The following PRSS23 variants were observed in gnomAD, a reference collection of about 807,000 sequenced individuals.
The protein encoded by PRSS23 is serine protease 23.
Under a neutral mutation model 34.7 loss-of-function variants are expected in PRSS23, and 25 were observed. The ratio of observed to expected loss-of-function variants is 0.72; its 90% confidence interval spans 0.53 to 1.01. The LOEUF is 1.01. PRSS23 is among the 50% of genes least tolerant of loss of function. The probability of loss-of-function intolerance (pLI) is 0.00; values close to 1 mark genes in which losing one functional copy is unlikely to be tolerated. For synonymous variants in PRSS23, 176 were observed against 186.6 expected (o/e 0.94, Z 0.46); for missense variants, 445 against 475.6 (o/e 0.94, Z 0.60).
chr11:86,891,716 C>T (rs1373398826), intron 2 of PRSS23, among the ~76,000 whole-genome samples: 2 of 152,048 alleles, frequency 1.3e-5, no homozygotes, highest in African/African-American at 4.8e-5. Context: ...CCCCATAATC[C>T]CCACGTTACA....
At chr11:86,838,608 G>A (rs1948424714) in intron 2 of PRSS23, among the ~76,000 whole-genome samples, 1 of 152,214 alleles carries the variant, frequency 6.6e-6, no homozygotes, top group African/African-American at 2.4e-5. Context: ...TGACAGCTCT[G>A]AAGAGAGCAG....
intron 2 of PRSS23, among the ~76,000 whole-genome samples, chr11:86,865,170 C>A (rs1656518637): frequency 6.6e-6 from 1 of 152,302 alleles, no homozygotes; most frequent in African/African-American, 2.4e-5. Flanking sequence ...GGAGCTGGCC[C>A]TTCTGCTCTA....
At chr11:86,835,012 C>G (rs556712274) in intron 2 of PRSS23, among the ~76,000 whole-genome samples, 4 of 152,328 alleles carry the variant, frequency 2.6e-5, no homozygotes, top group African/African-American at 9.6e-5. Flanking sequence ...ATGGTCCCCT[C>G]AAGTGGCATA....
In PRSS23 at chr11:86,808,912, G is replaced by C; in HGVS notation, c.*117G>C. ...TGTGTGTGTGTGTGTGTGTGTGTAA[G>C]GTGTCTTATAATCTTTTACCTATTT... On this transcript the variant is annotated 3_prime_UTR_variant, in exon 2 of 2. Transcript: ENST00000280258. 1.2e-6 allele frequency: 1 copy of C among 843,650 alleles called. No homozygotes were observed. The highest frequency in any genetic ancestry group is 1.9e-6 in the Non-Finnish European group (1 of 536,736). The allele number at this position is 843,650 out of a possible 1,614,324, so 52.3% of individuals were successfully genotyped here.
chr11:86,877,111 T>A (rs751240550), intron 2 of PRSS23, among the ~76,000 whole-genome samples: 8 of 152,196 alleles, frequency 5.3e-5, no homozygotes, highest in Admixed American at 2.6e-4. Context: ...GCAGTATAAG[T>A]GTTTAGCCCT....
intron 2 of PRSS23, among the ~76,000 whole-genome samples, chr11:86,828,778 T>C (rs1002380659): frequency 2.0e-5 from 3 of 152,178 alleles, no homozygotes; most frequent in African/African-American, 7.2e-5. Flanking sequence ...GGATATGAAA[T>C]TCTGGGTTGA....
At chr11:86,930,032 T>C in intron 2 of PRSS23, among the ~76,000 whole-genome samples, 1 of 152,204 alleles carries the variant, frequency 6.6e-6, no homozygotes, top group Admixed American at 6.5e-5. Context: ...TATTTGCTAA[T>C]ATATACAAAT....
intron 2 of PRSS23, among the ~76,000 whole-genome samples, chr11:86,930,187 A>T (rs200286164): frequency 4.6e-5 from 1 of 21,834 alleles, no homozygotes; most frequent in South Asian, 7.4e-4. Flanking sequence ...AAGTTCCTTT[A>T]AAAAAAAAAA....
chr11:86,801,628 G>A (rs1412608746), intron 1 of PRSS23, among the ~76,000 whole-genome samples: 1 of 152,162 alleles, frequency 6.6e-6, no homozygotes, highest in African/African-American at 2.4e-5. Context: ...TTATAGATGA[G>A]GTCAGCTGTG....
intron 1 of PRSS23, among the ~76,000 whole-genome samples, chr11:86,803,681 C>A (rs983417808): frequency 6.6e-6 from 1 of 152,082 alleles, no homozygotes; most frequent in Non-Finnish European, 1.5e-5. Context: ...TGGGGCCTGT[C>A]TTAAGAGCAT....
rs537776267 is a variant in PRSS23 at position 86,875,283 on chromosome 11, A to G, written c.206+51690A>G. On this transcript the variant is annotated intron_variant, in intron 2 of 2. Coordinates refer to the PRSS23 transcript ENST00000533902. ...CTACTCAGGAGGCTGAGGCAGGAGAATCACTTGAACCCGGGAGGTGGAGGT... is the reference window on the plus strand; with the variant it reads ...CTACTCAGGAGGCTGAGGCAGGAGAGTCACTTGAACCCGGGAGGTGGAGGT... 7.2e-5 allele frequency among the ~76,000 whole-genome samples: 11 copies of G among 152,296 alleles called. No individual in the cohort carries two copies. The South Asian group carries it at 2.3e-3, about 32-fold the overall frequency.
In PRSS23 at chr11:86,865,468, G is replaced by T. The variant is rs540254905; in HGVS notation, c.206+41875G>T. Among the ~76,000 whole-genome samples the T allele has an allele frequency of 1.6e-4, 25 of 152,356 alleles. No homozygotes were observed. In the South Asian group the frequency reaches 5.2e-3, roughly 32 times the overall value. ...GTTCTGTGAGTGTGGTGATGGAAAT[G>T]CTAAATCCATGTTCTGTGAAGCAGA... On this transcript the variant is annotated intron_variant, in intron 2 of 2. Transcript: ENST00000533902.
chr11:86,794,943 TAG>T (rs1947971607), intron 1 of PRSS23, among the ~76,000 whole-genome samples: 1 of 152,088 alleles, frequency 6.6e-6, no homozygotes, highest in Non-Finnish European at 1.5e-5. Context: ...GATGGTACCA[TAG>T]AGGAGATTGG....
intron 2 of PRSS23, chr11:86,833,216 T>A: frequency 1.4e-6 from 2 of 1,435,248 alleles, no homozygotes; most frequent in Non-Finnish European, 2.0e-6. Flanking sequence ...ATGTCCACAA[T>A]CATCTTGGGG....
intron 2 of PRSS23, chr11:86,951,015 G>A (rs550787317): frequency 1.2e-5 from 12 of 1,009,490 alleles, no homozygotes; most frequent in Admixed American, 3.5e-5. Flanking sequence ...GTGGGTTGAC[G>A]GGGGTCACTT....
At chr11:86,853,238 C>G (rs1327484940) in intron 2 of PRSS23, among the ~76,000 whole-genome samples, 1 of 127,182 alleles carries the variant, frequency 7.9e-6, no homozygotes, top group Admixed American at 8.9e-5. Context: ...TCACAAGTGC[C>G]TGCCTTTTTT....
chr11:86,857,590 G>A (rs1948580945), intron 2 of PRSS23: 2 of 501,082 alleles, frequency 4.0e-6, no homozygotes, highest in Non-Finnish European at 8.1e-6. Flanking sequence ...AGACACAGAG[G>A]TGAGGATTCA....
chr11:86,864,970 TCAGGATCATTTTGC>T (rs544730586), intron 2 of PRSS23, among the ~76,000 whole-genome samples: 10 of 152,226 alleles, frequency 6.6e-5, no homozygotes, highest in Non-Finnish European at 1.0e-4. Context: ...CACAGATAAC[TCAGGATCATTTTGC>T]CATCTGAAAA....
intron 2 of PRSS23, among the ~76,000 whole-genome samples, chr11:86,944,974 G>A (rs1274587060): frequency 1.3e-5 from 2 of 152,120 alleles, no homozygotes; most frequent in Non-Finnish European, 2.9e-5. Context: ...TTCACATCTG[G>A]GACATCAGCA....
Sources: gnomAD v4.1 joint callset for allele counts (sites outside exome capture counted in the v4.1 genomes callset) on GRCh38, gnomAD v4.1.1 for gene constraint, MANE v1.5 for transcripts, NCBI Gene and HGNC (gene_info 2026-07-23, HGNC 2026-07-21) for gene names.